GRIK2: variants seen among roughly 807,000 people sequenced by gnomAD.
GRIK2 encodes the protein glutamate ionotropic receptor kainate type subunit 2, also known as glutamate receptor ionotropic, kainate 2.
Under a neutral mutation model 100.3 loss-of-function variants are expected in GRIK2, and 32 were observed. The ratio of observed to expected loss-of-function variants is 0.32; its 90% confidence interval spans 0.24 to 0.43. The LOEUF is 0.43. GRIK2 is among the 20% of genes least tolerant of loss of function. The pLI, the probability that GRIK2 is intolerant of heterozygous loss-of-function variation, is 1.00. For missense variants in GRIK2, 843 were observed against 1,114.9 expected, an observed-to-expected ratio of 0.76 and a Z score of 3.47; for synonymous variants, 417 against 389.4, an observed-to-expected ratio of 1.07 and a Z score of -0.83.
intron 5 of GRIK2, among the ~76,000 whole-genome samples, chr6:101,682,072 G>A (rs1041394113): frequency 1.3e-5 from 2 of 152,102 alleles, no homozygotes; most frequent in Non-Finnish European, 2.9e-5. Flanking sequence ...AAATAAGAGT[G>A]GTAATTTACA....
intron 4 of GRIK2, among the ~76,000 whole-genome samples, chr6:101,635,864 A>G (rs1003671617): frequency 6.6e-6 from 1 of 152,186 alleles, no homozygotes; most frequent in Non-Finnish European, 1.5e-5. Context: ...GATGCTGGAG[A>G]GGATGTGGAG....
chr6:101,412,150 T>A (rs1775915296), intron 2 of GRIK2, among the ~76,000 whole-genome samples: 1 of 152,068 alleles, frequency 6.6e-6, no homozygotes, highest in South Asian at 2.1e-4. Flanking sequence ...TTATACTCTC[T>A]GGACCTTTGT....
rs368988127 is a variant in GRIK2 at position 101,912,079 on chromosome 6, C to G, written c.1749-12522C>G. Among the ~76,000 whole-genome samples, 1,022 of 140,248 alleles carry G rather than the reference C, an allele frequency of 7.3e-3. 8 individuals are homozygous for G. Among genetic ancestry groups the G allele is most frequent in the Non-Finnish European group, 0.011 (687 of 65,164 alleles). The allele number at this position is 140,248 out of a possible 152,430, so 92.0% of individuals were successfully genotyped here. ...ACACACACACACACACACACACACA[C>G]AGACACAAACACACACACACAAACA... is the stretch of plus-strand genomic sequence containing the variant. On this transcript the variant is annotated intron_variant, in intron 12 of 16. Coordinates refer to ENST00000369134, the MANE Select transcript of GRIK2 (RefSeq NM_021956.5).
chr6:101,960,542 T>G (rs1005278319), intron 14 of GRIK2, among the ~76,000 whole-genome samples: 8 of 152,228 alleles, frequency 5.3e-5, no homozygotes, highest in African/African-American at 1.2e-4. Flanking sequence ...ATGTATGTTG[T>G]GTAGGGCTGT....
At chr6:102,047,758 A>G (rs1299011880) in intron 15 of GRIK2, among the ~76,000 whole-genome samples, 1 of 151,830 alleles carries the variant, frequency 6.6e-6, no homozygotes, top group African/African-American at 2.4e-5. Context: ...CAAAGAAAAA[A>G]GAAAAAAAAA....
intron 14 of GRIK2, among the ~76,000 whole-genome samples, chr6:101,967,713 C>T (rs1015818108): frequency 6.6e-6 from 1 of 152,044 alleles, no homozygotes; most frequent in East Asian, 1.9e-4. Flanking sequence ...GAGATCTACG[C>T]AAACAGGTAA....
At chr6:101,787,988 G>A (rs1322834891) in intron 7 of GRIK2, among the ~76,000 whole-genome samples, 1 of 152,012 alleles carries the variant, frequency 6.6e-6, no homozygotes, top group African/African-American at 2.4e-5. Context: ...GCTGATGGGT[G>A]CATAAATATT....
At chr6:101,408,078 A>G (rs781318829) in intron 2 of GRIK2, among the ~76,000 whole-genome samples, 30 of 152,270 alleles carry the variant, frequency 2.0e-4, no homozygotes, top group African/African-American at 5.8e-4. Flanking sequence ...CAGAGCTTTA[A>G]TATTTAGGTT....
At chr6:102,027,085 T>A (rs1000659035) in intron 14 of GRIK2, among the ~76,000 whole-genome samples, 3 of 151,298 alleles carry the variant, frequency 2.0e-5, no homozygotes, top group Non-Finnish European at 4.4e-5. Flanking sequence ...GAGACCTTGC[T>A]ATGAGCATTA....
chr6:101,579,415 C>G (rs942046540), intron 2 of GRIK2, among the ~76,000 whole-genome samples: 1 of 152,046 alleles, frequency 6.6e-6, no homozygotes, highest in Non-Finnish European at 1.5e-5. Flanking sequence ...CTCTTTGTCT[C>G]TTTATCTTTC....
rs1233919249 is a variant in GRIK2, at chr6:101,811,836, TAAAC to T, written c.1204-6530_1204-6527del. 7.3e-5 allele frequency among the ~76,000 whole-genome samples: 11 copies of T among 151,538 alleles called. No homozygotes were observed. The South Asian group carries it at 8.3e-4, about 11-fold the overall frequency. On this transcript the variant is annotated intron_variant, in intron 9 of 16. Transcript: ENST00000369134. ...GTACTGAGAAAACTGTCACCAAAAA[TAAAC>T]AAATAAACAATAAAGAAGCAACTAA...
chr6:101,556,320 A>ATT (rs1304574158), intron 2 of GRIK2, among the ~76,000 whole-genome samples: 7 of 55,362 alleles, frequency 1.3e-4, no homozygotes, highest in Non-Finnish European at 2.9e-4. Context: ...ATATATTGGT[A>ATT]ATTTTTTTTT....
intron 14 of GRIK2, among the ~76,000 whole-genome samples, chr6:101,933,180 A>AG (rs1242504034): frequency 6.6e-6 from 1 of 151,986 alleles, no homozygotes; most frequent in Non-Finnish European, 1.5e-5. Flanking sequence ...GGCCACGTTG[A>AG]GAAAATTTTA....
At chr6:101,845,007 T>TGTC (rs1002615568) in intron 10 of GRIK2, among the ~76,000 whole-genome samples, 6 of 151,146 alleles carry the variant, frequency 4.0e-5, no homozygotes, top group African/African-American at 1.5e-4. Context: ...GTTTGTTTGT[T>TGTC]GTTGTTGTTG....
chr6:101,845,050 A>G (rs1582365743), intron 10 of GRIK2, among the ~76,000 whole-genome samples: 1 of 151,750 alleles, frequency 6.6e-6, no homozygotes, highest in East Asian at 1.9e-4. Flanking sequence ...ACAGGGTCCC[A>G]TTCTCTGTCA....
chr6:101,768,034 T>C (rs1778144643), intron 7 of GRIK2, among the ~76,000 whole-genome samples: 1 of 151,986 alleles, frequency 6.6e-6, no homozygotes, highest in Admixed American at 6.6e-5. Flanking sequence ...AATTTTTGTA[T>C]TTTTAGTAGA....
intron 7 of GRIK2, among the ~76,000 whole-genome samples, chr6:101,690,783 C>T (rs909440342): frequency 1.3e-5 from 2 of 152,118 alleles, no homozygotes; most frequent in Non-Finnish European, 2.9e-5. Flanking sequence ...GCATAGGATA[C>T]TTCATTATTT....
chr6:101,724,463 G>C (rs184068510), intron 7 of GRIK2, among the ~76,000 whole-genome samples: 37 of 151,918 alleles, frequency 2.4e-4, no homozygotes, highest in Middle Eastern at 3.4e-3. Context: ...TTCTGTTTTT[G>C]AGTAAATTTG....
chr6:101,592,784 A>C (rs1778735416), intron 2 of GRIK2, among the ~76,000 whole-genome samples: 1 of 151,184 alleles, frequency 6.6e-6, no homozygotes, highest in South Asian at 2.1e-4. Context: ...GAAGATTAAA[A>C]CACTTAATTT....
Sources: gnomAD v4.1 joint callset for allele counts (sites outside exome capture counted in the v4.1 genomes callset) on GRCh38, gnomAD v4.1.1 for gene constraint, MANE v1.5 for transcripts, NCBI Gene and HGNC (gene_info 2026-07-23, HGNC 2026-07-21) for gene names.